Variants in CHD1L observed in about 807,000 individuals in gnomAD.
The protein encoded by CHD1L is ATP-dependent chromatin remodeler CHD1L.
A neutral mutation model predicts 115.9 loss-of-function variants in CHD1L; 118 were observed. That is an observed-to-expected ratio of 1.02 (90% CI 0.88 to 1.19). The LOEUF is 1.19. Ranked by LOEUF, CHD1L falls within the 50% of genes most tolerant of loss-of-function variation. The probability of loss-of-function intolerance (pLI) is 0.00; values close to 1 mark genes in which losing one functional copy is unlikely to be tolerated. For synonymous variants in CHD1L, 411 were observed against 387.1 expected (o/e 1.06, Z -0.72); for missense variants, 1,179 against 1,065.3 (o/e 1.11, Z -1.49).
chr1:147,259,267 A>G (rs1479629333), intron 5 of CHD1L: 2 of 152,228 alleles, frequency 1.3e-5, no homozygotes, highest in African/African-American at 2.4e-5. Context: ...TTCCATGTCA[A>G]CAAATTCAGT....
chr1:147,266,406 C>G (rs1281695399), intron 8 of CHD1L, among the ~76,000 whole-genome samples: 2 of 152,148 alleles, frequency 1.3e-5, no homozygotes, highest in Non-Finnish European at 2.9e-5. Flanking sequence ...CACCCTCATT[C>G]ACAGTTTTGC....
chr1:147,224,909 G>A, the CHD1L span: 1 of 1,614,056 alleles, frequency 6.2e-7, no homozygotes, highest in Non-Finnish European at 8.5e-7. Flanking sequence ...AACCTCCAGA[G>A]CCCTCCGATG....
the CHD1L span, among the ~76,000 whole-genome samples, chr1:147,220,334 C>T: frequency 6.6e-6 from 1 of 152,128 alleles, no homozygotes. Context: ...GATTCATAGA[C>T]TAGAAGATTA....
chr1:147,224,924 C>T, the CHD1L span: 1 of 1,614,118 alleles, frequency 6.2e-7, no homozygotes, highest in African/African-American at 1.3e-5. Context: ...CCGATGTCAT[C>T]AGTCCTTTCA....
At chr1:147,266,591 TTAG>T (rs1202849409) in intron 8 of CHD1L, among the ~76,000 whole-genome samples, 8 of 152,348 alleles carry the variant, frequency 5.3e-5, no homozygotes, top group Admixed American at 5.2e-4. Flanking sequence ...GCCGTCAGCG[TTAG>T]TAGCCTGCTC....
At chr1:147,246,221 C>T (rs12093458) in intron 1 of CHD1L, among the ~76,000 whole-genome samples, 73,212 of 151,968 alleles carry the variant, frequency 0.48, 18,258 homozygotes, top group East Asian at 0.7. Flanking sequence ...GGTCGTTGCA[C>T]GTATCAGTAG....
At chr1:147,204,677 T>C in the CHD1L span, 2 of 1,571,732 alleles carry the variant, frequency 1.3e-6, no homozygotes, top group Non-Finnish European at 8.8e-7. Context: ...GCCATTACAG[T>C]CATTTTTGCA....
At chr1:147,214,049 T>C in the CHD1L span, among the ~76,000 whole-genome samples, 1 of 152,228 alleles carries the variant, frequency 6.6e-6, no homozygotes. Context: ...GATAGTGTTA[T>C]GATTTTTAGC....
chr1:147,205,515 A>G, the CHD1L span, among the ~76,000 whole-genome samples: 1 of 152,226 alleles, frequency 6.6e-6, no homozygotes, highest in South Asian at 2.1e-4. Flanking sequence ...TCTACAAAAC[A>G]ATGCCTTGGG....
intron 1 of CHD1L, among the ~76,000 whole-genome samples, chr1:147,247,000 C>T (rs1202773584): frequency 2.6e-5 from 4 of 152,060 alleles, no homozygotes; most frequent in African/African-American, 9.7e-5. Context: ...TTTTGTTGCA[C>T]AAATTTTGAT....
chr1:147,240,649 C>T (rs1223577535), upstream of CHD1L, among the ~76,000 whole-genome samples: 4 of 152,128 alleles, frequency 2.6e-5, no homozygotes, highest in African/African-American at 9.7e-5. Flanking sequence ...TTGTATATTC[C>T]ATTGACTGAG....
the CHD1L span, chr1:147,184,469 G>T: frequency 1.4e-6 from 2 of 1,479,982 alleles, no homozygotes. This position sits in a 1 kb window ranked among gnomAD's most constrained non-coding sequence, Gnocchi z 4.4. Flanking sequence ...AGTCCATCCA[G>T]GATACTACAT....
At chr1:147,252,190 A>G (rs1217132814) in intron 1 of CHD1L, among the ~76,000 whole-genome samples, 1 of 152,172 alleles carries the variant, frequency 6.6e-6, no homozygotes, top group Non-Finnish European at 1.5e-5. Context: ...TGTAGTCCTA[A>G]GTTTTTTCCT....
rs587715941 is a variant in CHD1L, at chr1:147,288,246, G to A, written c.2320+513G>A. 1.7e-4 allele frequency among the ~76,000 whole-genome samples: 24 copies of A among 139,354 alleles called. No individual in the cohort carries two copies. In the Middle Eastern group the frequency reaches 0.013, roughly 75 times the overall value. 91.4% of individuals were successfully genotyped at this position (139,354 alleles called of 152,430 possible). On this transcript the variant is annotated intron_variant, in intron 19 of 22. Transcript: ENST00000369258. ...AGGCTGAGGTGGGAGGATCACTTGAGTCTAAGAGGTTGAGGTTGCAGTGAG... is the reference window on the plus strand; with the variant it reads ...AGGCTGAGGTGGGAGGATCACTTGAATCTAAGAGGTTGAGGTTGCAGTGAG...
intron 3 of CHD1L, 41 bp downstream of exon 3, chr1:147,255,017 A>AT (rs782146913): frequency 7.0e-7 from 1 of 1,423,956 alleles, no homozygotes; most frequent in Non-Finnish European, 9.5e-7. Context: ...GTTTATCTTG[A>AT]TTAAGATTTT....
chr1:147,282,234 C>A (rs11239965), intron 15 of CHD1L, among the ~76,000 whole-genome samples: 12,315 of 152,158 alleles, frequency 0.081, 621 homozygotes, highest in East Asian at 0.16. Flanking sequence ...TATTTGATGT[C>A]TTTTCACTGG....
chr1:147,258,998 C>G (rs1553942154), intron 5 of CHD1L: 1 of 152,100 alleles, frequency 6.6e-6, no homozygotes, highest in African/African-American at 2.4e-5. Flanking sequence ...GCAACATAAT[C>G]ATATTTATTA....
At chr1:147,233,029 G>T in the CHD1L span, among the ~76,000 whole-genome samples, 1 of 152,004 alleles carries the variant, frequency 6.6e-6, no homozygotes, top group Admixed American at 6.5e-5. Context: ...CCTCTTCCCG[G>T]CCGCCATCCC....
chr1:147,253,143 GT>G (rs1407716057), intron 2 of CHD1L, among the ~76,000 whole-genome samples: 4 of 152,200 alleles, frequency 2.6e-5, no homozygotes, highest in African/African-American at 7.2e-5. Flanking sequence ...AGCTGGCCTT[GT>G]AGAATGAGTT....
Sources: gnomAD v4.1 joint callset for allele counts (sites outside exome capture counted in the v4.1 genomes callset) on GRCh38, gnomAD v4.1.1 for gene constraint, Gnocchi (gnomAD v3.1) non-coding constraint, MANE v1.5 for transcripts, NCBI Gene and HGNC (gene_info 2026-07-23, HGNC 2026-07-21) for gene names.